KLF12: variants seen among roughly 807,000 people sequenced by gnomAD.
KLF12 encodes the protein KLF transcription factor 12, also known as Krueppel-like factor 12.
KLF12 carries 9 observed loss-of-function variants against 37.8 expected under a neutral mutation model. The ratio of observed to expected loss-of-function variants is 0.24; its 90% CI spans 0.14 to 0.42. The LOEUF (loss-of-function observed/expected upper bound fraction) is 0.42, where lower values mean the gene tolerates loss of function less well. KLF12 is among the 10% of genes least tolerant of loss of function. The probability of loss-of-function intolerance (pLI) is 1.00; values close to 1 mark genes in which losing one functional copy is unlikely to be tolerated. For missense variants in KLF12, 411 were observed against 516.0 expected, an observed-to-expected ratio of 0.80 and a Z score of 1.97; for synonymous variants, 208 against 202.1, an observed-to-expected ratio of 1.03 and a Z score of -0.25.
chr13:74,294,152 C>G, the KLF12 span, among the ~76,000 whole-genome samples: 27 of 152,292 alleles, frequency 1.8e-4, no homozygotes, highest in Admixed American at 2.6e-4. Context: ...GGTCTGTGAA[C>G]CACACTTTGA....
intron 2 of KLF12, among the ~76,000 whole-genome samples, chr13:73,972,450 T>G (rs2138114263): frequency 6.6e-6 from 1 of 151,988 alleles, no homozygotes; most frequent in East Asian, 1.9e-4. Flanking sequence ...TAGCCCATCT[T>G]TAATACATAT....
intron 1 of KLF12, among the ~76,000 whole-genome samples, chr13:74,073,657 C>T (rs1874404280): frequency 6.6e-6 from 1 of 152,078 alleles, no homozygotes; most frequent in African/African-American, 2.4e-5. Flanking sequence ...ACACACATGT[C>T]CACAAAATAC....
intron 1 of KLF12, among the ~76,000 whole-genome samples, chr13:74,002,117 GAAC>G (rs1892296303): frequency 6.6e-6 from 1 of 152,278 alleles, no homozygotes; most frequent in East Asian, 1.9e-4. Flanking sequence ...GTGCCTTACT[GAAC>G]AATAGCTCTG....
At chr13:73,763,212 C>G (rs1879683082) in intron 6 of KLF12, among the ~76,000 whole-genome samples, 1 of 152,152 alleles carries the variant, frequency 6.6e-6, no homozygotes, top group South Asian at 2.1e-4. Flanking sequence ...TCCTTCTAAA[C>G]ATTATATTAT....
chr13:74,079,757 C>T (rs927631020), intron 1 of KLF12, among the ~76,000 whole-genome samples: 2 of 152,146 alleles, frequency 1.3e-5, no homozygotes, highest in African/African-American at 2.4e-5. Flanking sequence ...AGTGAAAAAT[C>T]GAAACTCTTG....
At chr13:74,125,958 C>T (rs574922784) in intron 1 of KLF12, among the ~76,000 whole-genome samples, 1 of 152,318 alleles carries the variant, frequency 6.6e-6, no homozygotes, top group Admixed American at 6.5e-5. Context: ...CAGCTCTCTA[C>T]AGCTAACTGG....
intron 1 of KLF12, among the ~76,000 whole-genome samples, chr13:74,010,490 T>C (rs184041795): frequency 2.0e-3 from 304 of 152,342 alleles, no homozygotes; most frequent in Non-Finnish European, 3.2e-3. Context: ...GTTTCCAAGT[T>C]ATGGCCTAGC....
chr13:73,967,656 A>G lies in KLF12; in HGVS notation c.34-23586T>C, dbSNP rs149739207. ...GTCTCTTCATCAATAAGCCTCACTT[A>G]TACAGCATTCTTAGGAATATTGTGT... is the stretch of plus-strand genomic sequence containing the variant. On this transcript the variant is annotated intron_variant, in intron 2 of 7. Coordinates refer to ENST00000377669, the MANE Select transcript of KLF12 (RefSeq NM_007249.5). Among the ~76,000 whole-genome samples, 65 of 152,310 alleles carry G rather than the reference A, an allele frequency of 4.3e-4. No homozygotes were observed. The East Asian group carries it at 0.012, about 28-fold the overall frequency.
chr13:73,719,884 C>T (rs1011003561), intron 6 of KLF12, among the ~76,000 whole-genome samples: 1 of 152,150 alleles, frequency 6.6e-6, no homozygotes, highest in African/African-American at 2.4e-5. Context: ...CAGACATAAA[C>T]CACCATGCCC....
chr13:73,869,294 GA>G (rs1886348304), intron 3 of KLF12, among the ~76,000 whole-genome samples: 1 of 152,000 alleles, frequency 6.6e-6, no homozygotes, highest in Non-Finnish European at 1.5e-5. Context: ...ACAACTATAA[GA>G]AAAAGAGAAA....
chr13:74,089,916 A>G (rs1267577579), intron 1 of KLF12, among the ~76,000 whole-genome samples: 1 of 151,958 alleles, frequency 6.6e-6, no homozygotes, highest in African/African-American at 2.4e-5. Context: ...CACCACTCCA[A>G]TTTAACATTG....
At chr13:74,270,829 C>T in the KLF12 span, among the ~76,000 whole-genome samples, 1 of 152,202 alleles carries the variant, frequency 6.6e-6, no homozygotes, top group East Asian at 1.9e-4. Context: ...GATTTGACCT[C>T]ACTCTGGGTA....
the KLF12 span, among the ~76,000 whole-genome samples, chr13:74,191,291 G>A: frequency 1.5e-3 from 230 of 152,286 alleles, no homozygotes; most frequent in African/African-American, 5.1e-3. Context: ...ATCTGGGTAA[G>A]CCACATCTGA....
chr13:73,981,031 C>T (rs1156522163), intron 2 of KLF12, among the ~76,000 whole-genome samples: 1 of 151,998 alleles, frequency 6.6e-6, no homozygotes, highest in Admixed American at 6.6e-5. Context: ...GTGGTGATGC[C>T]TGCCTGAAGT....
chr13:73,908,327 A>G (rs1888400975), intron 3 of KLF12, among the ~76,000 whole-genome samples: 2 of 147,478 alleles, frequency 1.4e-5, no homozygotes, highest in South Asian at 4.7e-4. Flanking sequence ...GCTTGAACCC[A>G]GGAGGTGGAG....
At chr13:74,120,308 C>G (rs1188229349) in intron 1 of KLF12, among the ~76,000 whole-genome samples, 1 of 152,100 alleles carries the variant, frequency 6.6e-6, no homozygotes, top group Non-Finnish European at 1.5e-5. Context: ...ATGGCGAAAC[C>G]CTGTCTCTAC....
intron 5 of KLF12, among the ~76,000 whole-genome samples, chr13:73,774,251 GTATACA>G (rs1423342821): frequency 4.0e-5 from 6 of 149,308 alleles, no homozygotes; most frequent in Admixed American, 3.3e-4. Context: ...ATATGTGTGT[GTATACA>G]TATACATATA....
At chr13:74,164,761 C>T in the KLF12 span, among the ~76,000 whole-genome samples, 1 of 152,122 alleles carries the variant, frequency 6.6e-6, no homozygotes, top group East Asian at 1.9e-4. Flanking sequence ...ATGGGATCAT[C>T]CAGTGGAACT....
rs77795786 is a variant in KLF12 at position 73,974,160 on chromosome 13, CA to C, written c.33+20829del. On this transcript the variant is annotated intron_variant, in intron 2 of 7. Transcript: ENST00000377669. ...TGAAAATTGCTGATCCTGAAGAACC[CA>C]AAAATTGGATAGAAAAATATTTCAA... is the stretch of plus-strand genomic sequence containing the variant. Among the ~76,000 whole-genome samples the C allele has an allele frequency of 4.7e-4, 72 of 151,802 alleles. No homozygotes were observed. In the East Asian group the frequency reaches 0.011, roughly 24 times the overall value.
Sources: allele counts gnomAD v4.1 joint callset (sites outside exome capture counted in the v4.1 genomes callset), GRCh38; gene constraint gnomAD v4.1.1; transcripts MANE v1.5; gene names NCBI Gene and HGNC (gene_info 2026-07-23, HGNC 2026-07-21).